Variants in MBD5 observed in about 807,000 individuals in gnomAD.
The protein encoded by MBD5 is methyl-CpG binding domain protein 5, also known as methyl-CpG-binding domain protein 5.
A neutral mutation model predicts 117.3 loss-of-function variants in MBD5; 13 were observed. The observed-to-expected ratio is 0.11, with a 90% CI of 0.07 to 0.18. MBD5 has a LOEUF of 0.18. Among genes scored for constraint, MBD5 ranks in the 10% least tolerant of loss-of-function variants. The pLI, the probability that MBD5 is intolerant of heterozygous loss-of-function variation, is 1.00. For synonymous variants in MBD5, 727 were observed against 766.4 expected, an observed-to-expected ratio of 0.95 and a Z score of 0.85; for missense variants, 1,879 against 2,093.8, an observed-to-expected ratio of 0.90 and a Z score of 2.00.
At chr2:148,154,502 T>G (rs80083436) in intron 1 of MBD5, among the ~76,000 whole-genome samples, 1 of 152,194 alleles carries the variant, frequency 6.6e-6, no homozygotes, top group Non-Finnish European at 1.5e-5. Flanking sequence ...TAAGCAAGCC[T>G]GGGCAATGGT....
At position 148,023,623 on chromosome 2, in the gene MBD5, A is replaced by G. The variant is rs1039058410; in HGVS notation, c.-925+1939A>G. Among the ~76,000 whole-genome samples, 4 of 152,302 alleles carry G rather than the reference A, an allele frequency of 2.6e-5. No homozygotes were observed. In the East Asian group the frequency reaches 5.8e-4, roughly 22 times the overall value. On this transcript the variant is annotated intron_variant, in intron 1 of 13. Coordinates refer to ENST00000642680, the MANE Select transcript of MBD5 (RefSeq NM_001378120.1). ...CTCACCTTAAAACCTCAGCAACTTT[A>G]AAGGTAAGAGAGAGACAGTAGAACT...
chr2:148,219,378 CT>C (rs35977410), intron 2 of MBD5, among the ~76,000 whole-genome samples: 5 of 149,070 alleles, frequency 3.4e-5, no homozygotes, highest in African/African-American at 7.4e-5. Flanking sequence ...TTACAGTTAA[CT>C]TTTTTTTTTA....
intron 1 of MBD5, among the ~76,000 whole-genome samples, chr2:148,038,834 G>A (rs1210694118): frequency 2.6e-5 from 4 of 151,642 alleles, no homozygotes; most frequent in Non-Finnish European, 5.9e-5. Flanking sequence ...GTTAACGAAG[G>A]GTTTGATTTT....
chr2:148,245,783 C>T (rs1489649642), intron 3 of MBD5, among the ~76,000 whole-genome samples: 3 of 152,128 alleles, frequency 2.0e-5, no homozygotes, highest in Non-Finnish European at 4.4e-5. Context: ...AAACATTCTA[C>T]TAAGCAGAAT....
intron 4 of MBD5, among the ~76,000 whole-genome samples, chr2:148,361,844 A>G (rs1342174636): frequency 6.6e-6 from 1 of 152,190 alleles, no homozygotes; most frequent in Non-Finnish European, 1.5e-5. Context: ...GGAACTAGTT[A>G]GACAGTGAGT....
chr2:148,255,148 G>A (rs1423389220), intron 3 of MBD5, among the ~76,000 whole-genome samples: 1 of 152,202 alleles, frequency 6.6e-6, no homozygotes, highest in African/African-American at 2.4e-5. Context: ...AAACGACAGA[G>A]CAGGCACAAG....
At chr2:148,387,068 C>G (rs1559050022) in intron 4 of MBD5, among the ~76,000 whole-genome samples, 1 of 152,140 alleles carries the variant, frequency 6.6e-6, no homozygotes, top group Non-Finnish European at 1.5e-5. Flanking sequence ...ACATCTATAT[C>G]AAACCCTTAA....
rs550093545 is a variant in MBD5 at position 148,089,267 on chromosome 2, G to A, written c.-925+67583G>A. On this transcript the variant is annotated intron_variant, in intron 1 of 13. Coordinates refer to ENST00000642680, the MANE Select transcript of MBD5 (RefSeq NM_001378120.1). ...ACACAATAATAGTGGGGGGACTTCA[G>A]TACTCCACTGAGAACACTTGACAGG... is the stretch of plus-strand genomic sequence containing the variant. 3.3e-5 allele frequency among the ~76,000 whole-genome samples: 5 copies of A among 152,100 alleles called. No individual in the cohort carries two copies. In the East Asian group the frequency reaches 5.8e-4, roughly 18 times the overall value.
intron 3 of MBD5, chr2:148,260,704 A>T (rs1700711498): frequency 5.0e-6 from 1 of 201,330 alleles, no homozygotes; most frequent in African/African-American, 2.3e-5. Context: ...CCCAGGTCAG[A>T]GATAATGAAT....
rs1267782088 is a variant in MBD5 at position 148,380,755 on chromosome 2, A to T, written c.-557+38419A>T. On this transcript the variant is annotated intron_variant, in intron 4 of 13. Coordinates refer to ENST00000642680, the MANE Select transcript of MBD5 (RefSeq NM_001378120.1). ...GGACTGACACCTCACACAGCCGGGT[A>T]CTCCTCTGAGACAAAACTTCCAGAG... Among the ~76,000 whole-genome samples the T allele has an allele frequency of 1.3e-5, 2 of 152,012 alleles. 1 individual carries two copies. The highest frequency in any genetic ancestry group is 4.1e-4 in the South Asian group (2 of 4,820).
intron 4 of MBD5, among the ~76,000 whole-genome samples, chr2:148,398,925 CTTGTTTT>C: frequency 6.6e-6 from 1 of 152,114 alleles, no homozygotes; most frequent in Non-Finnish European, 1.5e-5. Context: ...TTCCCCATTG[CTTGTTTT>C]TCTCAGGTTT....
intron 1 of MBD5, among the ~76,000 whole-genome samples, chr2:148,038,692 T>A (rs1694268066): frequency 6.6e-6 from 1 of 151,912 alleles, no homozygotes; most frequent in Non-Finnish European, 1.5e-5. Flanking sequence ...AGAAAGCATA[T>A]CCCATCAATC....
intron 8 of MBD5, among the ~76,000 whole-genome samples, chr2:148,479,539 T>A (rs1163991751): frequency 6.6e-6 from 1 of 152,192 alleles, no homozygotes; most frequent in Non-Finnish European, 1.5e-5. Context: ...ATTTTTGTCT[T>A]TAATGGTTTA....
At chr2:148,090,876 G>A (rs57204383) in intron 1 of MBD5, among the ~76,000 whole-genome samples, 7,992 of 151,880 alleles carry the variant, frequency 0.053, 237 homozygotes, top group African/African-American at 0.078. Context: ...GGGCATCCAA[G>A]AGGAAGTCAA....
chr2:148,454,421 T>A (rs1012227165), intron 4 of MBD5, among the ~76,000 whole-genome samples: 1 of 152,192 alleles, frequency 6.6e-6, no homozygotes, highest in Non-Finnish European at 1.5e-5. Context: ...TAGATCTAGG[T>A]ACCTCAATAG....
At chr2:148,347,683 A>C (rs919113358) in intron 4 of MBD5, 1 of 152,032 alleles carries the variant, frequency 6.6e-6, no homozygotes, top group Non-Finnish European at 1.5e-5. Context: ...GGTCCACAAA[A>C]ATGTTTAAAT....
intron 1 of MBD5, among the ~76,000 whole-genome samples, chr2:148,075,372 C>T (rs1030903668): frequency 6.6e-6 from 1 of 152,230 alleles, no homozygotes; most frequent in African/African-American, 2.4e-5. Flanking sequence ...GCCTCATTTC[C>T]ATCCTGTGGC....
At chr2:148,494,734 G>A (rs1681643778) in intron 11 of MBD5, among the ~76,000 whole-genome samples, 1 of 152,138 alleles carries the variant, frequency 6.6e-6, no homozygotes, top group African/African-American at 2.4e-5. Flanking sequence ...GGCCGAGGCG[G>A]GCAGATCACG....
intron 2 of MBD5, among the ~76,000 whole-genome samples, chr2:148,180,237 A>AAG (rs779047049): frequency 7.3e-5 from 11 of 150,384 alleles, no homozygotes; most frequent in Non-Finnish European, 1.2e-4. Context: ...GGTTACTTGG[A>AAG]AGAGCTATTC....
Sources: gnomAD v4.1 joint callset for allele counts (sites outside exome capture counted in the v4.1 genomes callset) on GRCh38, gnomAD v4.1.1 for gene constraint, MANE v1.5 for transcripts, NCBI Gene and HGNC (gene_info 2026-07-23, HGNC 2026-07-21) for gene names.